Variants in RANBP9 observed in about 807,000 individuals in gnomAD.
RANBP9 encodes ran-binding protein 9.
RANBP9 carries 15 observed loss-of-function variants against 84.3 expected under a neutral mutation model. The observed-to-expected ratio is 0.18, with a 90% CI of 0.12 to 0.27. The LOEUF is 0.27. Among genes scored for constraint, RANBP9 ranks in the 10% least tolerant of loss-of-function variants. RANBP9 has a pLI of 1.00. For synonymous variants in RANBP9, 392 were observed against 349.6 expected (o/e 1.12, Z -1.35); for missense variants, 809 against 912.8 (o/e 0.89, Z 1.46).
intron 2 of RANBP9, among the ~76,000 whole-genome samples, chr6:13,681,289 C>T (rs937334564): frequency 6.6e-6 from 1 of 151,168 alleles, no homozygotes; most frequent in African/African-American, 2.5e-5. Context: ...GATAAAGGGG[C>T]AACAAGAGAG....
chr6:13,690,103 T>A (rs958532416), intron 2 of RANBP9, among the ~76,000 whole-genome samples: 1 of 152,172 alleles, frequency 6.6e-6, no homozygotes, highest in Non-Finnish European at 1.5e-5. Flanking sequence ...CGTAGTTAAG[T>A]GACATATGAC....
chr6:13,690,974 C>G (rs1766310157), intron 2 of RANBP9, among the ~76,000 whole-genome samples: 1 of 151,966 alleles, frequency 6.6e-6, no homozygotes, highest in Admixed American at 6.6e-5. Flanking sequence ...CAAGACCGGC[C>G]TGGCCAACAT....
At chr6:13,626,806 C>T (rs1262631846) in intron 12 of RANBP9, among the ~76,000 whole-genome samples, 1 of 152,158 alleles carries the variant, frequency 6.6e-6, no homozygotes, top group African/African-American at 2.4e-5. Flanking sequence ...AGATTCCACA[C>T]CCATTTTCCA....
chr6:13,707,253 A>G (rs1758151919), intron 1 of RANBP9, among the ~76,000 whole-genome samples: 1 of 152,024 alleles, frequency 6.6e-6, no homozygotes, highest in African/African-American at 2.4e-5. Flanking sequence ...TCTTGGGCTC[A>G]AGCGATCCTT....
chr6:13,682,773 T>C (rs527865251), intron 2 of RANBP9, among the ~76,000 whole-genome samples: 2 of 152,102 alleles, frequency 1.3e-5, no homozygotes, highest in South Asian at 2.1e-4. Context: ...CAAATAAATA[T>C]GTAAATATCA....
rs767235336 is a variant in RANBP9, at chr6:13,634,531, T to A, written c.1695A>T (p.Thr565=). 8 of 1,610,910 alleles carry A rather than the reference T, an allele frequency of 5.0e-6. No individual in the cohort carries two copies. Among genetic ancestry groups the A allele is most frequent in the Non-Finnish European group, 6.8e-6 (8 of 1,178,080 alleles). The change falls in exon 11 of 14, where the codon ACA becomes ACT. Residue 565 remains threonine, a synonymous_variant. Transcript: ENST00000011619. ...CTCCAACTCCATTGGAGTAGTGATC[T>A]GTTTCCATGTCTACATCATTACTGA... The part of the protein sequence containing the change: ...NFTSNDVDME[T]DHYSNGVGET...
chr6:13,632,016 T>A (rs1256707695), intron 12 of RANBP9, among the ~76,000 whole-genome samples: 8 of 152,082 alleles, frequency 5.3e-5, no homozygotes, highest in Non-Finnish European at 1.0e-4. Context: ...ACGCCCACAT[T>A]GCTCCTAGTA....
intron 3 of RANBP9, among the ~76,000 whole-genome samples, chr6:13,658,392 TGA>T (rs1189140532): frequency 6.6e-6 from 1 of 152,200 alleles, no homozygotes; most frequent in East Asian, 1.9e-4. Context: ...GTGGATCACC[TGA>T]GGTCAGGGGC....
rs137953547 is a variant in RANBP9 at position 13,638,829 on chromosome 6, G to C, written c.1525+734C>G. On this transcript the variant is annotated intron_variant, in intron 9 of 13. Coordinates refer to ENST00000011619, the MANE Select transcript of RANBP9 (RefSeq NM_005493.3). ...AACGAACTAGGCAGAGCTGACTTTTGCAAGAGGCTTGGTTGGGAAAGGTTG... is the reference window on the plus strand; with the variant it reads ...AACGAACTAGGCAGAGCTGACTTTTCCAAGAGGCTTGGTTGGGAAAGGTTG... 7.7e-3 allele frequency among the ~76,000 whole-genome samples: 1,176 copies of C among 152,078 alleles called. 11 individuals carry two copies. The highest frequency in any genetic ancestry group is 0.026 in the African/African-American group (1,098 of 41,478).
chr6:13,685,465 C>G (rs529426548), intron 2 of RANBP9, among the ~76,000 whole-genome samples: 1 of 152,094 alleles, frequency 6.6e-6, no homozygotes, highest in Admixed American at 6.5e-5. Flanking sequence ...CCTAGCTACT[C>G]GAGTGGCTGA....
At chr6:13,651,381 T>C (rs1584923771) in intron 5 of RANBP9, among the ~76,000 whole-genome samples, 1 of 134,882 alleles carries the variant, frequency 7.4e-6, no homozygotes, top group South Asian at 2.5e-4. Flanking sequence ...TTTTTTGTTG[T>C]TGTTGTTGTT....
chr6:13,710,488 G>A (rs1350081736), intron 1 of RANBP9, among the ~76,000 whole-genome samples: 1 of 152,056 alleles, frequency 6.6e-6, no homozygotes, highest in East Asian at 1.9e-4. Context: ...CTCTTAATTA[G>A]AAATCATACC....
At position 13,625,693 on chromosome 6, in the gene RANBP9, C is replaced by G; in HGVS notation, c.2019G>C (p.Gln673His). The part of the protein sequence containing the change: ...SPVGNQLDPI[Q>H]REPVCSALNS... Reference sequence around the variant, plus strand: ...TAAGAGCTGAGCACACAGGTTCTCTCTGAATCGGGTCAAGCTGATTTCCAA... The same window carrying G: ...TAAGAGCTGAGCACACAGGTTCTCTGTGAATCGGGTCAAGCTGATTTCCAA... Residue 673 changes from glutamine to histidine, a missense_variant, in exon 13 of 14, where the codon CAG becomes CAC. Physicochemically the swap from Gln to His is conservative, Grantham distance 24. Coordinates refer to ENST00000011619, the MANE Select transcript of RANBP9 (RefSeq NM_005493.3). The G allele has an allele frequency of 6.2e-7, 1 of 1,613,236 alleles. No individual in the cohort carries two copies.
chr6:13,687,969 AGTG>A (rs1766228740), intron 2 of RANBP9, among the ~76,000 whole-genome samples: 1 of 152,256 alleles, frequency 6.6e-6, no homozygotes, highest in East Asian at 1.9e-4. Flanking sequence ...CAGCAGCAGC[AGTG>A]GCAGCAGCCA....
chr6:13,710,396 A>T (rs1758244013), intron 1 of RANBP9, among the ~76,000 whole-genome samples: 1 of 151,948 alleles, frequency 6.6e-6, no homozygotes, highest in African/African-American at 2.4e-5. Context: ...TTGATGGCAA[A>T]CTTGGGCCCC....
intron 2 of RANBP9, among the ~76,000 whole-genome samples, chr6:13,667,136 C>T (rs1042901832): frequency 7.9e-5 from 12 of 152,132 alleles, no homozygotes; most frequent in Non-Finnish European, 1.5e-4. Context: ...AATATGTCAA[C>T]GTAGATCATC....
chr6:13,702,393 T>A (rs1757996905), intron 1 of RANBP9, among the ~76,000 whole-genome samples: 1 of 152,186 alleles, frequency 6.6e-6, no homozygotes, highest in Non-Finnish European at 1.5e-5. Context: ...AAAGCGAGAC[T>A]CTGTTCAAGA....
chr6:13,695,943 C>T (rs1413756149), intron 2 of RANBP9, among the ~76,000 whole-genome samples: 3 of 151,322 alleles, frequency 2.0e-5, no homozygotes, highest in East Asian at 1.9e-4. Context: ...AACTTATCCA[C>T]ACAGCTCAAT....
intron 2 of RANBP9, among the ~76,000 whole-genome samples, chr6:13,676,432 G>A (rs1738753219): frequency 6.6e-6 from 1 of 151,818 alleles, no homozygotes; most frequent in African/African-American, 2.4e-5. Flanking sequence ...ACACTCAGAG[G>A]GTACACTTTC....
Sources: allele counts gnomAD v4.1 joint callset (sites outside exome capture counted in the v4.1 genomes callset), GRCh38; gene constraint gnomAD v4.1.1; transcripts MANE v1.5; gene names NCBI Gene and HGNC (gene_info 2026-07-23, HGNC 2026-07-21).